The following B4GALT6 variants were observed in gnomAD, a reference collection of about 807,000 sequenced individuals.
The protein encoded by B4GALT6 is UDP-Gal:beta-GlcNAc beta-1,4-galactosyltransferase 6.
A neutral mutation model predicts 46.3 loss-of-function variants in B4GALT6; 14 were observed. That is an observed-to-expected ratio of 0.30 (90% confidence interval 0.20 to 0.47). The LOEUF is 0.47. Among genes scored for constraint, B4GALT6 ranks in the 20% least tolerant of loss-of-function variants. The pLI is 0.99. For missense variants in B4GALT6, 386 were observed against 480.1 expected, an observed-to-expected ratio of 0.80 and a Z score of 1.83; for synonymous variants, 168 against 162.0, an observed-to-expected ratio of 1.04 and a Z score of -0.28.
At chr18:31,638,213 T>C (rs1172274840) in intron 5 of B4GALT6, among the ~76,000 whole-genome samples, 1 of 152,036 alleles carries the variant, frequency 6.6e-6, no homozygotes, top group East Asian at 1.9e-4. Flanking sequence ...CAATCCAAAA[T>C]GTAATTTCAC....
the B4GALT6 span, among the ~76,000 whole-genome samples, chr18:31,707,806 C>T: frequency 1.6e-4 from 24 of 152,160 alleles, no homozygotes; most frequent in African/African-American, 5.1e-4. Context: ...CACTGTAGAA[C>T]AATGGTTCTA....
At chr18:31,691,817 C>A in the B4GALT6 span, among the ~76,000 whole-genome samples, 1 of 152,102 alleles carries the variant, frequency 6.6e-6, no homozygotes, top group Non-Finnish European at 1.5e-5. Flanking sequence ...TCTGGACTAG[C>A]AACGTCCTCT....
intron 6 of B4GALT6, among the ~76,000 whole-genome samples, chr18:31,630,174 G>A (rs2073768517): frequency 2.0e-5 from 3 of 151,976 alleles, no homozygotes; most frequent in Admixed American, 2.0e-4. Flanking sequence ...TTCTTTTCCT[G>A]CTTGTGTCAG....
At chr18:31,653,247 A>C (rs1309155374) in intron 3 of B4GALT6, among the ~76,000 whole-genome samples, 1 of 151,454 alleles carries the variant, frequency 6.6e-6, no homozygotes, top group South Asian at 2.1e-4. Context: ...CACGCCACTT[A>C]ACACACCCTC....
At chr18:31,662,712 G>A (rs899763059) in intron 2 of B4GALT6, among the ~76,000 whole-genome samples, 2 of 152,126 alleles carry the variant, frequency 1.3e-5, no homozygotes, top group African/African-American at 4.8e-5. Context: ...ATGGTGGCGG[G>A]CGCCTGTAGT....
At chr18:31,671,297 T>C (rs1271827960) in intron 1 of B4GALT6, among the ~76,000 whole-genome samples, 2 of 152,206 alleles carry the variant, frequency 1.3e-5, no homozygotes, top group African/African-American at 4.8e-5. Flanking sequence ...GTATTTCCAG[T>C]TCTAGATCCT....
At chr18:31,700,435 T>TTGTGTGTG in the B4GALT6 span, among the ~76,000 whole-genome samples, 44,112 of 139,110 alleles carry the variant, frequency 0.32, 8,097 homozygotes, top group South Asian at 0.48. Flanking sequence ...AATTGACTAT[T>TTGTGTGTG]TGTGTGTGTG....
chr18:31,645,547 T>C, intron 3 of B4GALT6, 68 bp from the exon 4 acceptor site: 1 of 1,498,410 alleles, frequency 6.7e-7, no homozygotes, highest in Non-Finnish European at 9.0e-7. Context: ...GAACAAATAA[T>C]AATCAGCAGG....
chr18:31,689,559 A>G (rs2030038839), upstream of B4GALT6, among the ~76,000 whole-genome samples: 1 of 152,046 alleles, frequency 6.6e-6, no homozygotes, highest in East Asian at 1.9e-4. Flanking sequence ...CCTGGCCAAT[A>G]TGGTGAAACC....
At chr18:31,627,183 A>C in intron 6 of B4GALT6, 62 bp from the exon 7 acceptor site, 2 of 1,494,008 alleles carry the variant, frequency 1.3e-6, no homozygotes, top group Non-Finnish European at 1.8e-6. Flanking sequence ...TGTGAAATGA[A>C]GGTTTCAGCC....
chr18:31,709,551 ATATGTGTGTGTG>A, the B4GALT6 span, among the ~76,000 whole-genome samples: 18 of 103,990 alleles, frequency 1.7e-4, no homozygotes, highest in Non-Finnish European at 3.5e-4. Context: ...AATAGGATAT[ATATGTGTGTGTG>A]TGTGTGTGTG....
intron 3 of B4GALT6, among the ~76,000 whole-genome samples, chr18:31,656,919 G>C (rs183848567): frequency 2.6e-5 from 4 of 152,200 alleles, no homozygotes; most frequent in Admixed American, 2.6e-4. Context: ...CACAAACATA[G>C]GAAAACTTAC....
At chr18:31,661,478 CA>C (rs1186931006) in intron 2 of B4GALT6, among the ~76,000 whole-genome samples, 1 of 152,078 alleles carries the variant, frequency 6.6e-6, no homozygotes, top group African/African-American at 2.4e-5. Flanking sequence ...AATAAATGAG[CA>C]GTTAAAACAA....
the B4GALT6 span, among the ~76,000 whole-genome samples, chr18:31,702,034 C>G: frequency 1.3e-5 from 2 of 151,922 alleles, no homozygotes; most frequent in Non-Finnish European, 2.9e-5. Context: ...GGGAAGGAGT[C>G]TCTCAGGGAA....
At chr18:31,635,481 T>C (rs2073846407) in intron 5 of B4GALT6, among the ~76,000 whole-genome samples, 1 of 152,132 alleles carries the variant, frequency 6.6e-6, no homozygotes, top group African/African-American at 2.4e-5. Flanking sequence ...AAAGAATGAT[T>C]TATACACACA....
upstream of B4GALT6, among the ~76,000 whole-genome samples, chr18:31,687,831 C>A: frequency 1.3e-5 from 2 of 151,928 alleles, no homozygotes; most frequent in East Asian, 1.9e-4. Context: ...ACACAGATTG[C>A]AACTGAAAAA....
intron 3 of B4GALT6, among the ~76,000 whole-genome samples, chr18:31,647,174 T>C (rs548797440): frequency 6.6e-6 from 1 of 152,258 alleles, no homozygotes; most frequent in Non-Finnish European, 1.5e-5. Context: ...GCTAAAATGA[T>C]AGTAATTAGG....
At chr18:31,656,059 G>C (rs1405638862) in intron 3 of B4GALT6, among the ~76,000 whole-genome samples, 1 of 152,148 alleles carries the variant, frequency 6.6e-6, no homozygotes, top group Non-Finnish European at 1.5e-5. Context: ...TGAAACTCTT[G>C]AGAGCTGGAC....
chr18:31,680,671 T>C (rs73420395), intron 1 of B4GALT6, among the ~76,000 whole-genome samples: 196 of 152,320 alleles, frequency 1.3e-3, no homozygotes, highest in African/African-American at 4.2e-3. Flanking sequence ...CTCCTCCCAT[T>C]ATATAGCCCC....
Sources: gnomAD v4.1 joint callset for allele counts (sites outside exome capture counted in the v4.1 genomes callset) on GRCh38, gnomAD v4.1.1 for gene constraint, MANE v1.5 for transcripts, NCBI Gene and HGNC (gene_info 2026-07-23, HGNC 2026-07-21) for gene names.